Variants in RYR2 observed in about 807,000 individuals in gnomAD.
RYR2 encodes the protein ryanodine receptor 2, also known as cardiac muscle ryanodine receptor-calcium release channel.
In RYR2, 227 loss-of-function variants were observed where a neutral mutation model predicts 601.1. That is an observed-to-expected ratio of 0.38 (90% CI 0.34 to 0.42). The LOEUF is 0.42. RYR2 is among the 10% of genes least tolerant of loss of function. The pLI, the probability that RYR2 is intolerant of heterozygous loss-of-function variation, is 1.00. For missense variants in RYR2, 4,646 were observed against 6,156.5 expected (o/e 0.75, Z 8.21); for synonymous variants, 2,223 against 2,175.1 (o/e 1.02, Z -0.61).
chr1:237,662,430 A>G (rs756478425), intron 56 of RYR2, among the ~76,000 whole-genome samples: 7 of 152,088 alleles, frequency 4.6e-5, no homozygotes, highest in Non-Finnish European at 7.4e-5. Context: ...ACAACATGGT[A>G]TGGTAAGGGT....
At chr1:237,199,112 T>C (rs1194868753) in intron 1 of RYR2, among the ~76,000 whole-genome samples, 1 of 152,224 alleles carries the variant, frequency 6.6e-6, no homozygotes, top group South Asian at 2.1e-4. Flanking sequence ...ATATGGTTTT[T>C]GCCTTCAAGG....
chr1:237,068,622 C>T (rs1663938747), intron 1 of RYR2, among the ~76,000 whole-genome samples: 1 of 152,292 alleles, frequency 6.6e-6, no homozygotes, highest in East Asian at 1.9e-4. Context: ...TATTATTCTT[C>T]TCATTACATT....
At chr1:237,751,921 A>T (rs1384622150) in intron 80 of RYR2, among the ~76,000 whole-genome samples, 1 of 152,192 alleles carries the variant, frequency 6.6e-6, no homozygotes, top group African/African-American at 2.4e-5. Flanking sequence ...AATTCTGAAG[A>T]CCTCTTTAAA....
At chr1:237,782,523 G>A (rs1009125708) in intron 89 of RYR2, among the ~76,000 whole-genome samples, 9 of 152,130 alleles carry the variant, frequency 5.9e-5, no homozygotes, top group South Asian at 2.1e-4. Flanking sequence ...GTCACGCCTC[G>A]TGCTAGGACT....
chr1:237,407,553 T>A (rs978453104), intron 10 of RYR2, among the ~76,000 whole-genome samples: 8 of 152,166 alleles, frequency 5.3e-5, no homozygotes, highest in African/African-American at 1.9e-4. Flanking sequence ...TTATTTGTCA[T>A]CTGTATATCT....
chr1:237,415,025 G>A (rs1704823254), intron 10 of RYR2, among the ~76,000 whole-genome samples: 2 of 152,190 alleles, frequency 1.3e-5, no homozygotes, highest in South Asian at 4.1e-4. Context: ...TGTCACAGCT[G>A]GTGGGAGGCT....
intron 17 of RYR2, among the ~76,000 whole-genome samples, chr1:237,489,376 G>GC (rs1170934833): frequency 2.0e-5 from 3 of 152,170 alleles, no homozygotes; most frequent in African/African-American, 7.2e-5. Context: ...AAAAAGTCAG[G>GC]CTGGGCACGG....
chr1:237,506,930 T>C (rs1665325664), intron 23 of RYR2, 116 bp downstream of exon 23: 2 of 877,212 alleles, frequency 2.3e-6, no homozygotes, highest in East Asian at 5.4e-5. Flanking sequence ...GATTGATTTT[T>C]TTCCCCCTAC....
At chr1:237,458,074 C>G (rs1659049441) in intron 16 of RYR2, among the ~76,000 whole-genome samples, 1 of 152,126 alleles carries the variant, frequency 6.6e-6, no homozygotes, top group Admixed American at 6.6e-5. Context: ...CGTTGTCTCA[C>G]CTTTTCCAGA....
chr1:237,708,994 G>A lies in RYR2; in HGVS notation c.10038G>A (p.Gly3346=), dbSNP rs1688603578. 4 of 1,613,500 alleles carry A rather than the reference G, an allele frequency of 2.5e-6. No homozygotes were observed. Among genetic ancestry groups the A allele is most frequent in the Non-Finnish European group, 2.5e-6 (3 of 1,179,678 alleles). ...ACCACCTGAAAGCTGAGGCCAGGGG[G>A]GACATGTCGGAGGCAGAACTCCTCA... The part of the protein sequence containing the change: ...EEDHLKAEAR[G]DMSEAELLIL... Residue 3346 remains glycine (G), a synonymous_variant, in exon 69 of 105, where the codon GGG becomes GGA. Coordinates refer to ENST00000366574, the MANE Select transcript of RYR2 (RefSeq NM_001035.3).
intron 1 of RYR2, among the ~76,000 whole-genome samples, chr1:237,260,264 C>T (rs2149308546): frequency 6.6e-6 from 1 of 152,254 alleles, no homozygotes; most frequent in South Asian, 2.1e-4. Context: ...CCCAGAGGAA[C>T]TTAGTGAAAG....
At chr1:237,460,837 TA>T (rs1437648903) in intron 16 of RYR2, among the ~76,000 whole-genome samples, 5 of 152,218 alleles carry the variant, frequency 3.3e-5, no homozygotes, top group Non-Finnish European at 7.3e-5. Context: ...TTGGGTGGCT[TA>T]AATGTTATAA....
At chr1:237,407,947 A>T (rs1433857430) in intron 10 of RYR2, among the ~76,000 whole-genome samples, 2 of 151,888 alleles carry the variant, frequency 1.3e-5, no homozygotes, top group East Asian at 3.9e-4. Flanking sequence ...AGTTCTTTAC[A>T]TATTTCGGAT....
At chr1:237,296,253 G>A (rs1237317994) in intron 2 of RYR2, among the ~76,000 whole-genome samples, 1 of 152,174 alleles carries the variant, frequency 6.6e-6, no homozygotes, top group Non-Finnish European at 1.5e-5. Flanking sequence ...CTGATTTTCA[G>A]GGACTTTGAA....
chr1:237,244,293 T>A (rs889601257), intron 1 of RYR2, among the ~76,000 whole-genome samples: 1 of 152,168 alleles, frequency 6.6e-6, no homozygotes, highest in African/African-American at 2.4e-5. Flanking sequence ...GCTTCCAGTC[T>A]GATTTTGATA....
intron 1 of RYR2, among the ~76,000 whole-genome samples, chr1:237,070,579 C>T (rs557195214): frequency 1.3e-5 from 2 of 152,278 alleles, no homozygotes; most frequent in South Asian, 4.1e-4. Context: ...TCCCACTGGG[C>T]TTATTTCGCC....
At chr1:237,775,172 T>C (rs1453490819) in intron 87 of RYR2, among the ~76,000 whole-genome samples, 5 of 152,050 alleles carry the variant, frequency 3.3e-5, no homozygotes, top group Non-Finnish European at 7.4e-5. Flanking sequence ...CTGAAATATG[T>C]ATTTTGGAAT....
intron 1 of RYR2, among the ~76,000 whole-genome samples, chr1:237,050,426 A>G (rs1661110736): frequency 6.6e-6 from 1 of 152,218 alleles, no homozygotes. Context: ...GGAAACCCGC[A>G]TGTGGTCACT....
At chr1:237,208,495 T>C (rs147207904) in intron 1 of RYR2, among the ~76,000 whole-genome samples, 1 of 152,344 alleles carries the variant, frequency 6.6e-6, no homozygotes, top group African/African-American at 2.4e-5. Flanking sequence ...CTTCTTGGGA[T>C]GTCTTATGTA....
Sources: allele counts gnomAD v4.1 joint callset (sites outside exome capture counted in the v4.1 genomes callset), GRCh38; gene constraint gnomAD v4.1.1; transcripts MANE v1.5; gene names NCBI Gene and HGNC (gene_info 2026-07-23, HGNC 2026-07-21).